The following HNRNPA3 variants were observed in gnomAD, a reference collection of about 807,000 sequenced individuals.
The protein encoded by HNRNPA3 is heterogeneous nuclear ribonucleoprotein A3.
HNRNPA3 carries 3 observed loss-of-function variants against 45.8 expected under a neutral mutation model. The ratio of observed to expected loss-of-function variants is 0.07; its 90% CI spans 0.03 to 0.17. HNRNPA3 has a LOEUF of 0.17. Ranked by LOEUF, HNRNPA3 falls within the 10% of genes least tolerant of loss-of-function variation. The probability of loss-of-function intolerance (pLI) is 1.00; values close to 1 mark genes in which losing one functional copy is unlikely to be tolerated. For synonymous variants in HNRNPA3, 170 were observed against 155.6 expected, an observed-to-expected ratio of 1.09 and a Z score of -0.69; for missense variants, 183 against 480.3, an observed-to-expected ratio of 0.38 and a Z score of 5.79.
chr2:177,220,012 T>C (rs1353895858), exon 11 of HNRNPA3: 3 of 152,630 alleles, frequency 2.0e-5, no homozygotes, highest in Admixed American at 2.0e-4. Context: ...GTGGAGAGAA[T>C]AGATAATTTG....
At chr2:177,223,275 T>G (rs77493582), downstream of HNRNPA3, 3 of 147,644 alleles carry the variant, frequency 2.0e-5, no homozygotes. Flanking sequence ...GAAGCAAACA[T>G]TTTTTTTTTA....
intron 8 of HNRNPA3, 65 bp downstream of exon 8, chr2:177,217,910 A>ATATT (rs1689014872): frequency 7.2e-7 from 1 of 1,390,638 alleles, no homozygotes; most frequent in African/African-American, 1.5e-5. Context: ...CCCATGACAC[A>ATATT]TATTTGGAAA....
At chr2:177,217,491 A>G (rs1369044956) in intron 7 of HNRNPA3, among the ~76,000 whole-genome samples, 2 of 152,204 alleles carry the variant, frequency 1.3e-5, no homozygotes, top group East Asian at 1.9e-4. Context: ...ATAGGGGAAC[A>G]TGGTGGCACA....
chr2:177,220,773 ATTTG>A (rs1027084762), downstream of HNRNPA3: 1 of 152,640 alleles, frequency 6.6e-6, no homozygotes, highest in African/African-American at 2.4e-5. Context: ...GTTGTTACCA[ATTTG>A]TTTGGAAGGC....
chr2:177,218,045 CTTTTTTCTTTTTTTT>C (rs1401834285), intron 8 of HNRNPA3, among the ~76,000 whole-genome samples, 200 bp downstream of exon 8: 18 of 107,674 alleles, frequency 1.7e-4, no homozygotes, highest in Non-Finnish European at 3.0e-4. Flanking sequence ...ACTCAGCTCT[CTTTTTTCTTTTTTTT>C]TTTTTTTTTT....
At chr2:177,219,298 A>G (rs542911045) in exon 10 of HNRNPA3, 3 of 1,612,686 alleles carry the variant, frequency 1.9e-6, no homozygotes, top group Non-Finnish European at 2.5e-6. Context: ...AGAAGGTTCT[A>G]AAAACAGCAG....
chr2:177,223,821 AAGAT>A (rs974725009), downstream of HNRNPA3: 3 of 152,258 alleles, frequency 2.0e-5, no homozygotes, highest in South Asian at 2.1e-4. Flanking sequence ...TGTTTACAGA[AAGAT>A]AACTTTTTCA....
intron 4 of HNRNPA3, 82 bp from the exon 5 acceptor site, chr2:177,216,421 A>G (rs908847548): frequency 3.0e-6 from 3 of 984,564 alleles, no homozygotes; most frequent in South Asian, 2.8e-5. Flanking sequence ...AATGGGTTAC[A>G]TAATGACAGA....
intron 7 of HNRNPA3, among the ~76,000 whole-genome samples, chr2:177,217,219 T>G (rs1688979137): frequency 1.2e-5 from 1 of 85,160 alleles, no homozygotes; most frequent in Non-Finnish European, 2.4e-5. Flanking sequence ...GATTTTCTTT[T>G]TTACTATCAG....
rs763630746 is a variant in HNRNPA3 at position 177,219,171 on chromosome 2, C to T, written c.1084+12C>T. 1.9e-6 allele frequency: 3 copies of T among 1,612,226 alleles called. No individual in the cohort carries two copies. Among genetic ancestry groups the T allele is most frequent in the Non-Finnish European group, 2.5e-6 (3 of 1,179,490 alleles). ...CAGTCCCTATGGTGGTAAGTACTTTCTTAAATCAATTCTTTAGAGCCTTTT... is the reference window on the plus strand; with the variant it reads ...CAGTCCCTATGGTGGTAAGTACTTTTTTAAATCAATTCTTTAGAGCCTTTT... On this transcript the variant is annotated intron_variant, in intron 9 of 10. Transcript: ENST00000392524.
At chr2:177,215,126 A>G (rs1243032496) in intron 1 of HNRNPA3, among the ~76,000 whole-genome samples, 1 of 151,888 alleles carries the variant, frequency 6.6e-6, no homozygotes, top group Non-Finnish European at 1.5e-5. Context: ...TTTGAGACGG[A>G]GTTTTCGCTC....
exon 7 of HNRNPA3, chr2:177,216,867 T>C (rs753767053): frequency 1.9e-6 from 3 of 1,611,530 alleles, no homozygotes; most frequent in Non-Finnish European, 2.5e-6. Context: ...CAGGAGGCTA[T>C]GGTGGTGGAG....
chr2:177,218,141 A>G (rs1322669794), intron 8 of HNRNPA3, among the ~76,000 whole-genome samples: 3 of 142,684 alleles, frequency 2.1e-5, no homozygotes, highest in Non-Finnish European at 4.5e-5. Context: ...AGCTCATTGC[A>G]ATCTCCGCCT....
chr2:177,215,282 A>T (rs1477386290), intron 1 of HNRNPA3, among the ~76,000 whole-genome samples: 1 of 151,910 alleles, frequency 6.6e-6, no homozygotes, highest in East Asian at 1.9e-4. Context: ...TTTAGTAGAG[A>T]TGGGGTTTCG....
At chr2:177,223,872 A>G (rs1409106233), downstream of HNRNPA3, 1 of 152,196 alleles carries the variant, frequency 6.6e-6, no homozygotes, top group Admixed American at 6.5e-5. Context: ...TTGTTTTGTC[A>G]CTTCACAATG....
In HNRNPA3 at chr2:177,216,840, C is replaced by A. The variant is rs774498602; in HGVS notation, c.740-20C>A. The A allele has an allele frequency of 1.2e-6, 2 of 1,612,472 alleles. No homozygotes were observed. Among genetic ancestry groups the A allele is most frequent in the Non-Finnish European group, 1.7e-6 (2 of 1,179,722 alleles). On this transcript the variant is annotated intron_variant, in intron 6 of 10. Transcript: ENST00000392524. ...GTAAGTTGAATATATTATTTTAATT[C>A]ATTTCTTGTTTTTCCTCAGGAGGCT...
downstream of HNRNPA3, chr2:177,223,606 C>T (rs1469968841): frequency 6.6e-6 from 1 of 152,178 alleles, no homozygotes; most frequent in Non-Finnish European, 1.5e-5. Context: ...ATAATAATCA[C>T]AAATTGAAAC....
chr2:177,223,612 G>T (rs1156655434), downstream of HNRNPA3: 1 of 152,208 alleles, frequency 6.6e-6, no homozygotes, highest in East Asian at 1.9e-4. Context: ...ATCACAAATT[G>T]AAACCTGACA....
At chr2:177,214,600 T>C (rs1199913257) in intron 1 of HNRNPA3, among the ~76,000 whole-genome samples, 3 of 151,976 alleles carry the variant, frequency 2.0e-5, no homozygotes, top group Admixed American at 1.3e-4. Flanking sequence ...TCGAGACCAT[T>C]CTGGCTAACA....
Sources: allele counts gnomAD v4.1 joint callset (sites outside exome capture counted in the v4.1 genomes callset), GRCh38; gene constraint gnomAD v4.1.1; transcripts MANE v1.5; gene names NCBI Gene and HGNC (gene_info 2026-07-23, HGNC 2026-07-21).